The following TENM3 variants were observed in gnomAD, a reference collection of about 807,000 sequenced individuals.
TENM3 encodes the protein teneurin transmembrane protein 3.
TENM3 carries 63 observed loss-of-function variants against 255.1 expected under a neutral mutation model. That is an observed-to-expected ratio of 0.25 (90% confidence interval 0.20 to 0.30). TENM3 has a LOEUF of 0.30. TENM3 is among the 10% of genes least tolerant of loss of function. The probability of loss-of-function intolerance (pLI) is 1.00; values close to 1 mark genes in which losing one functional copy is unlikely to be tolerated. For synonymous variants in TENM3, 1,306 were observed against 1,322.3 expected (o/e 0.99, Z 0.27); for missense variants, 2,929 against 3,461.1 (o/e 0.85, Z 3.86).
In TENM3 at chr4:182,691,763, C is replaced by T. The variant is rs147481291; in HGVS notation, c.2221+3412C>T. Among the ~76,000 whole-genome samples, 620 of 152,198 alleles carry T rather than the reference C, an allele frequency of 4.1e-3. 2 individuals carry two copies. Among genetic ancestry groups the T allele is most frequent in the African/African-American group, 0.014 (592 of 41,524 alleles). On this transcript the variant is annotated intron_variant, in intron 12 of 27. Coordinates refer to ENST00000511685, the MANE Select transcript of TENM3 (RefSeq NM_001080477.4). ...TATTGTGATTAAAATAGATACTTCT[C>T]CTTTCCTCCCCAGAAAGCATTCATG...
chr4:182,680,119 C>T, intron 8 of TENM3, 129 bp from the exon 9 acceptor site: 2 of 763,320 alleles, frequency 2.6e-6, no homozygotes, highest in South Asian at 1.7e-5. Context: ...TGAAAATCTG[C>T]ATTTGAAGTG....
At chr4:182,439,893 A>T (rs750637405) in intron 3 of TENM3, among the ~76,000 whole-genome samples, 2 of 152,094 alleles carry the variant, frequency 1.3e-5, no homozygotes, top group African/African-American at 2.4e-5. Context: ...CCAACTTCCC[A>T]GACGGTGCCT....
chr4:182,609,025 T>C (rs1485140716), intron 4 of TENM3, among the ~76,000 whole-genome samples: 2 of 152,160 alleles, frequency 1.3e-5, no homozygotes, highest in Admixed American at 6.5e-5. Context: ...TGGCCCATGC[T>C]CTTGCTTGCA....
At chr4:182,060,472 A>C in the TENM3 span, among the ~76,000 whole-genome samples, 1 of 152,034 alleles carries the variant, frequency 6.6e-6, no homozygotes, top group Non-Finnish European at 1.5e-5. Context: ...GCTTCTGTGA[A>C]AACCTAATGT....
At chr4:182,459,581 T>C (rs1774168714) in intron 3 of TENM3, among the ~76,000 whole-genome samples, 1 of 152,224 alleles carries the variant, frequency 6.6e-6, no homozygotes, top group Non-Finnish European at 1.5e-5. Context: ...TTGATTTCTT[T>C]AAAGTATATT....
chr4:182,338,999 T>C (rs1764309733), intron 2 of TENM3, among the ~76,000 whole-genome samples: 1 of 152,210 alleles, frequency 6.6e-6, no homozygotes, highest in Non-Finnish European at 1.5e-5. Context: ...AATGCTGCCA[T>C]GAATTTCCAG....
the TENM3 span, among the ~76,000 whole-genome samples, chr4:182,098,915 T>A: frequency 0.96 from 145,365 of 151,106 alleles, 70,165 homozygotes; most frequent in East Asian, 1. Context: ...GTATGCTTGT[T>A]TAAAAATTTT....
chr4:181,971,287 G>A, the TENM3 span, among the ~76,000 whole-genome samples: 1 of 152,178 alleles, frequency 6.6e-6, no homozygotes, highest in African/African-American at 2.4e-5. Context: ...TTCATACTCT[G>A]TACCTAGCAT....
chr4:182,516,675 T>G (rs1560859129), intron 3 of TENM3, among the ~76,000 whole-genome samples: 1 of 152,086 alleles, frequency 6.6e-6, no homozygotes, highest in Non-Finnish European at 1.5e-5. Context: ...TGGATCACTT[T>G]AGGTCAGGAG....
At chr4:182,330,297 G>T (rs780905244) in intron 2 of TENM3, among the ~76,000 whole-genome samples, 1 of 152,170 alleles carries the variant, frequency 6.6e-6, no homozygotes, top group South Asian at 2.1e-4. Context: ...TTTGTGTGAG[G>T]TTGGATGAAG....
At chr4:181,964,296 G>T in the TENM3 span, among the ~76,000 whole-genome samples, 1 of 151,990 alleles carries the variant, frequency 6.6e-6, no homozygotes, top group Non-Finnish European at 1.5e-5. Context: ...ATGGACTTAG[G>T]GTGTCAAAAA....
At chr4:181,742,737 A>G in the TENM3 span, among the ~76,000 whole-genome samples, 11 of 152,138 alleles carry the variant, frequency 7.2e-5, no homozygotes, top group South Asian at 2.3e-3. Context: ...CAGGTTAGCT[A>G]CATACGTATA....
chr4:182,723,038 T>C (rs1021874692), intron 13 of TENM3, among the ~76,000 whole-genome samples: 1 of 152,200 alleles, frequency 6.6e-6, no homozygotes, highest in African/African-American at 2.4e-5. Context: ...GAAGATCATA[T>C]ACAGACATGT....
intron 5 of TENM3, among the ~76,000 whole-genome samples, chr4:182,632,475 G>A (rs1338823774): frequency 6.6e-6 from 1 of 152,040 alleles, no homozygotes; most frequent in Non-Finnish European, 1.5e-5. Flanking sequence ...AATCTCTTAG[G>A]TTAAAAGGTT....
At chr4:181,816,971 G>C in the TENM3 span, among the ~76,000 whole-genome samples, 1 of 152,120 alleles carries the variant, frequency 6.6e-6, no homozygotes, top group East Asian at 1.9e-4. Context: ...TTATAGATAA[G>C]TAAACTGGGG....
chr4:182,092,608 C>T, the TENM3 span, among the ~76,000 whole-genome samples: 1 of 152,196 alleles, frequency 6.6e-6, no homozygotes, highest in Admixed American at 6.5e-5. Context: ...GATTGTGCCT[C>T]TGCACTCCAG....
intron 1 of TENM3, among the ~76,000 whole-genome samples, chr4:182,214,013 A>G (rs184251463): frequency 3.7e-4 from 57 of 152,258 alleles, no homozygotes; most frequent in South Asian, 2.5e-3. Flanking sequence ...TGTGTTAGCC[A>G]GGATGGTCTC....
At chr4:182,343,487 A>C (rs896173529) in intron 2 of TENM3, among the ~76,000 whole-genome samples, 1 of 152,334 alleles carries the variant, frequency 6.6e-6, no homozygotes, top group Admixed American at 6.5e-5. Flanking sequence ...AGAATAAAGT[A>C]TTGTTCCTTG....
At chr4:181,993,201 C>T in the TENM3 span, among the ~76,000 whole-genome samples, 24,990 of 152,008 alleles carry the variant, frequency 0.16, 2,319 homozygotes, top group Non-Finnish European at 0.22. Context: ...ATCCAGCATG[C>T]GCACAATAGG....
Sources: allele counts gnomAD v4.1 joint callset (sites outside exome capture counted in the v4.1 genomes callset), GRCh38; gene constraint gnomAD v4.1.1; transcripts MANE v1.5; gene names NCBI Gene and HGNC (gene_info 2026-07-23, HGNC 2026-07-21).